The following EGFR variants were observed in gnomAD, a reference collection of about 807,000 sequenced individuals.
EGFR encodes the protein epidermal growth factor receptor.
EGFR carries 58 observed loss-of-function variants against 143.0 expected under a neutral mutation model. The observed-to-expected ratio is 0.41, with a 90% confidence interval of 0.33 to 0.50. The LOEUF is 0.50. EGFR is among the 20% of genes least tolerant of loss of function. EGFR has a pLI of 0.39. For missense variants in EGFR, 1,307 were observed against 1,579.0 expected, an observed-to-expected ratio of 0.83 and a Z score of 2.92; for synonymous variants, 613 against 594.4, an observed-to-expected ratio of 1.03 and a Z score of -0.45.
rs181351877 is a variant in EGFR at position 55,187,789 on chromosome 7, C to T, written c.2470-3930C>T. The stretch of plus-strand genomic sequence containing the variant: ...CCCCCCTGAACCCCATCCCTTACCT[C>T]TACCAGTTGCAGGTGGGTCTCTGGG... On this transcript the variant is annotated intron_variant, in intron 20 of 27. Coordinates refer to ENST00000275493, the MANE Select transcript of EGFR (RefSeq NM_005228.5). 1.9e-3 allele frequency among the ~76,000 whole-genome samples: 286 copies of T among 152,334 alleles called. 2 individuals carry two copies. Among genetic ancestry groups the T allele is most frequent in the Non-Finnish European group, 3.3e-3 (222 of 68,020 alleles).
At chr7:55,104,644 T>C (rs1369503310) in intron 1 of EGFR, among the ~76,000 whole-genome samples, 1 of 152,232 alleles carries the variant, frequency 6.6e-6, no homozygotes, top group Non-Finnish European at 1.5e-5. Context: ...TGTCGGCGTG[T>C]GAAGTCCCAA....
intron 27 of EGFR, among the ~76,000 whole-genome samples, chr7:55,204,132 TACACACCAACTAC>T (rs111703515): frequency 0.21 from 31,144 of 151,004 alleles, 3,508 homozygotes; most frequent in Middle Eastern, 0.26. Flanking sequence ...TATACCTCTT[TACACACCAACTAC>T]ACACACCAAC....
chr7:55,156,043 T>A, intron 8 of EGFR, 97 bp downstream of exon 8: 1 of 865,064 alleles, frequency 1.2e-6, no homozygotes, highest in Non-Finnish European at 1.9e-6. Flanking sequence ...CTCTTCTCAT[T>A]AAAAAACAAC....
intron 1 of EGFR, among the ~76,000 whole-genome samples, chr7:55,082,489 G>A (rs1790520446): frequency 6.6e-6 from 1 of 152,190 alleles, no homozygotes. Flanking sequence ...AGGCTAAAAA[G>A]GAGATTGCCT....
At chr7:55,027,357 A>T (rs1191126843) in intron 1 of EGFR, among the ~76,000 whole-genome samples, 1 of 152,216 alleles carries the variant, frequency 6.6e-6, no homozygotes, top group African/African-American at 2.4e-5. Flanking sequence ...ATGAGGAAAT[A>T]CTTGTAGGCC....
chr7:55,114,586 C>T (rs573979990), intron 1 of EGFR, among the ~76,000 whole-genome samples: 7 of 152,014 alleles, frequency 4.6e-5, no homozygotes, highest in Non-Finnish European at 8.8e-5. Context: ...TTTTAAGTTT[C>T]TTAATATTGG....
intron 1 of EGFR, among the ~76,000 whole-genome samples, chr7:55,097,846 T>C (rs564904977): frequency 1.3e-5 from 2 of 152,338 alleles, no homozygotes; most frequent in Admixed American, 6.5e-5. Flanking sequence ...CTGGGCTTTA[T>C]TGATGTCACC....
intron 1 of EGFR, among the ~76,000 whole-genome samples, chr7:55,079,287 A>G (rs758031712): frequency 3.5e-4 from 53 of 152,226 alleles, no homozygotes; most frequent in Admixed American, 6.5e-4. Context: ...GCCCAGAGCC[A>G]GGCATGCACA....
In EGFR at chr7:55,197,858, G is replaced by T. The variant is rs145015088; in HGVS notation, c.2702-859G>T. Among the ~76,000 whole-genome samples the T allele has an allele frequency of 3.5e-3, 529 of 152,292 alleles. 5 individuals are homozygous for T. Among genetic ancestry groups the T allele is most frequent in the African/African-American group, 0.012 (502 of 41,580 alleles). On this transcript the variant is annotated intron_variant, in intron 22 of 27. Transcript: ENST00000275493. ...TCCCAGGGATGAAGCCGACTTGATT[G>T]TGGTGGCTTAAGCTTTTTGATGTGC...
chr7:55,141,959 A>AT (rs1429284898), intron 1 of EGFR, among the ~76,000 whole-genome samples: 4 of 152,190 alleles, frequency 2.6e-5, no homozygotes, highest in Non-Finnish European at 4.4e-5. Context: ...AAATTTCAAC[A>AT]TTTTTTTATT....
chr7:55,072,483 G>C (rs376872259), intron 1 of EGFR, among the ~76,000 whole-genome samples: 1 of 152,202 alleles, frequency 6.6e-6, no homozygotes, highest in African/African-American at 2.4e-5. Flanking sequence ...AGAGGGCTGC[G>C]GGCTGGATGA....
At chr7:55,144,134 G>A (rs77706197) in intron 3 of EGFR, among the ~76,000 whole-genome samples, 1 of 152,152 alleles carries the variant, frequency 6.6e-6, no homozygotes, top group African/African-American at 2.4e-5. Context: ...TTCATTTAAC[G>A]CCCACAACCT....
intron 1 of EGFR, among the ~76,000 whole-genome samples, chr7:55,058,555 C>T (rs1212382365): frequency 2.0e-5 from 3 of 152,066 alleles, no homozygotes; most frequent in Admixed American, 6.6e-5. Flanking sequence ...ATGTCCTTTG[C>T]GGGGACATGG....
chr7:55,111,712 T>A (rs1792502204), intron 1 of EGFR, among the ~76,000 whole-genome samples: 1 of 152,122 alleles, frequency 6.6e-6, no homozygotes, highest in South Asian at 2.1e-4. Context: ...AGTGTTTGGA[T>A]GTTATGATAG....
intron 1 of EGFR, among the ~76,000 whole-genome samples, chr7:55,075,110 G>A (rs544244335): frequency 1.9e-4 from 29 of 152,172 alleles, no homozygotes; most frequent in African/African-American, 6.7e-4. Context: ...CCATCAGTGG[G>A]CAGCCAGGGC....
At chr7:55,168,491 C>A (rs768283341) in intron 15 of EGFR, 2 of 1,237,358 alleles carry the variant, frequency 1.6e-6, no homozygotes, top group South Asian at 1.2e-5. Flanking sequence ...TGTTAGTGGT[C>A]ATTTTTCTAA....
chr7:55,036,186 A>G (rs1787558127), intron 1 of EGFR, among the ~76,000 whole-genome samples: 1 of 143,054 alleles, frequency 7.0e-6, no homozygotes, highest in South Asian at 2.2e-4. Context: ...AACAAACCAG[A>G]TACTTCCTTA....
rs375923119 is a variant in EGFR at position 55,019,246 on chromosome 7, G to C, written c.-32G>C. 2.2e-5 allele frequency: 32 copies of C among 1,462,478 alleles called. No homozygotes were observed. Among genetic ancestry groups the C allele is most frequent in the Non-Finnish European group, 2.7e-5 (30 of 1,097,094 alleles). The allele number at this position is 1,462,478 out of a possible 1,614,324, so 90.6% of individuals were successfully genotyped here. On this transcript the variant is annotated 5_prime_UTR_variant, in exon 1 of 28. Coordinates refer to ENST00000275493, the MANE Select transcript of EGFR (RefSeq NM_005228.5). Reference sequence around the variant, plus strand: ...CCTGACTCCGTCCAGTATTGATCGGGAGAGCCGGAGCGAGCTCTTCGGGGA... The same window carrying C: ...CCTGACTCCGTCCAGTATTGATCGGCAGAGCCGGAGCGAGCTCTTCGGGGA...
chr7:55,168,709 A>G lies in EGFR; in HGVS notation c.1881-2466A>G. On this transcript the variant is annotated intron_variant, in intron 15 of 27. Transcript: ENST00000275493. ...TGATTCTGAGCCTTTTTAGATGAGT[A>G]TATAGTTTGATATAATCTTGTTATT... The G allele has an allele frequency of 3.6e-6, 3 of 836,390 alleles. No individual in the cohort carries two copies. The South Asian group carries it at 6.2e-5, about 17-fold the overall frequency. The allele number at this position is 836,390 out of a possible 1,614,324, so 51.8% of individuals were successfully genotyped here.
Sources: gnomAD v4.1 joint callset for allele counts (sites outside exome capture counted in the v4.1 genomes callset) on GRCh38, gnomAD v4.1.1 for gene constraint, MANE v1.5 for transcripts, NCBI Gene and HGNC (gene_info 2026-07-23, HGNC 2026-07-21) for gene names.